Variants in CERS6 observed in about 807,000 individuals in gnomAD.
The protein encoded by CERS6 is ceramide synthase 6.
CERS6 carries 26 observed loss-of-function variants against 56.8 expected under a neutral mutation model. The observed-to-expected ratio is 0.46, with a 90% CI of 0.34 to 0.63. The LOEUF (loss-of-function observed/expected upper bound fraction) is 0.63. CERS6 is among the 30% of genes least tolerant of loss of function. CERS6 has a pLI of 0.01. For missense variants in CERS6, 415 were observed against 467.5 expected, an observed-to-expected ratio of 0.89 and a Z score of 1.04; for synonymous variants, 164 against 173.3, an observed-to-expected ratio of 0.95 and a Z score of 0.42.
intron 3 of CERS6, among the ~76,000 whole-genome samples, chr2:168,616,650 T>C (rs537320207): frequency 2.0e-5 from 3 of 152,296 alleles, no homozygotes; most frequent in African/African-American, 7.2e-5. Context: ...AGGAACATTA[T>C]ATAATGATAA....
At chr2:168,538,151 G>T (rs1272148556) in intron 1 of CERS6, among the ~76,000 whole-genome samples, 1 of 151,566 alleles carries the variant, frequency 6.6e-6, no homozygotes, top group Non-Finnish European at 1.5e-5. Context: ...CTCAACAGAG[G>T]AGCTAGTGAT....
intron 3 of CERS6, among the ~76,000 whole-genome samples, chr2:168,621,866 G>C (rs1453160434): frequency 6.6e-6 from 1 of 152,152 alleles, no homozygotes; most frequent in Non-Finnish European, 1.5e-5. Flanking sequence ...ACAATGACAG[G>C]AAAACAGGAA....
intron 6 of CERS6, among the ~76,000 whole-genome samples, chr2:168,700,258 G>A (rs548273061): frequency 2.0e-5 from 3 of 152,332 alleles, no homozygotes. Context: ...ATGCCTTTGG[G>A]GGCCGTGTCA....
In CERS6 at chr2:168,492,507, G is replaced by T. The variant is rs182887273; in HGVS notation, c.170+35889G>T. Among the ~76,000 whole-genome samples the T allele has an allele frequency of 1.6e-3, 246 of 152,240 alleles. 1 individual carries two copies. Among genetic ancestry groups the T allele is most frequent in the African/African-American group, 5.7e-3 (235 of 41,548 alleles). ...TTGTGTAAGTTTTTTGTAGATTCTGGATATTAGCCCTTTGTCAGCTGGATA... is the reference window on the plus strand; with the variant it reads ...TTGTGTAAGTTTTTTGTAGATTCTGTATATTAGCCCTTTGTCAGCTGGATA... On this transcript the variant is annotated intron_variant, in intron 1 of 9. Coordinates refer to ENST00000305747, the MANE Select transcript of CERS6 (RefSeq NM_203463.3).
intron 8 of CERS6, among the ~76,000 whole-genome samples, chr2:168,736,010 A>G (rs1360678819): frequency 6.6e-6 from 1 of 152,098 alleles, no homozygotes; most frequent in East Asian, 1.9e-4. Context: ...GTTTAAGACT[A>G]GCCTGGGTAA....
intron 1 of CERS6, among the ~76,000 whole-genome samples, chr2:168,471,709 G>A (rs910509630): frequency 6.6e-6 from 1 of 152,038 alleles, no homozygotes; most frequent in Non-Finnish European, 1.5e-5. Flanking sequence ...TTTATTCAGG[G>A]GTCAAATATA....
chr2:168,579,274 G>A (rs915775508), intron 3 of CERS6, among the ~76,000 whole-genome samples: 2 of 152,232 alleles, frequency 1.3e-5, no homozygotes, highest in East Asian at 3.9e-4. Context: ...CGTGGAGTTG[G>A]GGGGGCACTG....
At chr2:168,487,782 T>C (rs1277518317) in intron 1 of CERS6, among the ~76,000 whole-genome samples, 1 of 152,224 alleles carries the variant, frequency 6.6e-6, no homozygotes, top group African/African-American at 2.4e-5. Flanking sequence ...AGCACAATCA[T>C]AGCTCAGCCA....
At chr2:168,496,491 G>T (rs975782513) in intron 1 of CERS6, among the ~76,000 whole-genome samples, 2 of 152,222 alleles carry the variant, frequency 1.3e-5, no homozygotes, top group South Asian at 4.2e-4. Flanking sequence ...CATGAGAGGG[G>T]ATTCTTGTCT....
At chr2:168,734,777 A>G (rs1683662769) in intron 8 of CERS6, among the ~76,000 whole-genome samples, 2 of 152,350 alleles carry the variant, frequency 1.3e-5, no homozygotes, top group South Asian at 4.1e-4. Context: ...TTAGTGCTCT[A>G]TCTATATGCA....
rs773497811 is a variant in CERS6 at position 168,752,313 on chromosome 2, GTGTGTA to G, written c.846-13277_846-13272del. Among the ~76,000 whole-genome samples, 566 of 146,912 alleles carry G rather than the reference GTGTGTA, an allele frequency of 3.9e-3. 1 individual carries two copies. The highest frequency in any genetic ancestry group is 5.6e-3 in the Admixed American group (84 of 14,870). ...TGTGTGTGTGTGTGTGTGTGTGTGT[GTGTGTA>G]TAGAGAGAGAGAGAGAGAGGCTAAG... is the stretch of plus-strand genomic sequence containing the variant. On this transcript the variant is annotated intron_variant, in intron 8 of 9. Transcript: ENST00000305747.
chr2:168,629,604 G>C (rs1684665727), intron 3 of CERS6, among the ~76,000 whole-genome samples: 1 of 152,134 alleles, frequency 6.6e-6, no homozygotes, highest in South Asian at 2.1e-4. Flanking sequence ...TGGGTCCCTT[G>C]TTCAACAACT....
intron 4 of CERS6, among the ~76,000 whole-genome samples, chr2:168,655,204 G>C (rs1018220453): frequency 6.6e-6 from 1 of 151,990 alleles, no homozygotes; most frequent in Non-Finnish European, 1.5e-5. Flanking sequence ...CACCTCTTAC[G>C]ATGGCTTTTA....
Position 168,631,042 on chromosome 2 carries a change from G to A in CERS6, c.465G>A (p.Lys155=). Residue 155 remains lysine (K), a splice_region_variant and synonymous_variant, in exon 4 of 10, where the codon AAG becomes AAA. Coordinates refer to ENST00000305747, the MANE Select transcript of CERS6 (RefSeq NM_203463.3). ...CCTACGGAGTCAGATTCCTGAAAAA[G>A]GTAGGATCTCTCAAACTATTTTACA... ...VFTYGVRFLK[K]TPWLWNTRHC... 2 of 1,478,032 alleles carry A rather than the reference G, an allele frequency of 1.4e-6. No individual in the cohort carries two copies. The highest frequency in any genetic ancestry group is 1.9e-6 in the Non-Finnish European group (2 of 1,077,844). The allele number at this position is 1,478,032 out of a possible 1,614,324, so 91.6% of individuals were successfully genotyped here.
intron 4 of CERS6, among the ~76,000 whole-genome samples, chr2:168,655,694 A>G (rs748001424): frequency 6.6e-6 from 1 of 152,242 alleles, no homozygotes; most frequent in Non-Finnish European, 1.5e-5. Flanking sequence ...CAGAGAATAA[A>G]ACAGCAGCGG....
intron 4 of CERS6, among the ~76,000 whole-genome samples, chr2:168,657,513 GGCCA>G (rs1559039324): frequency 2.0e-5 from 3 of 152,226 alleles, no homozygotes; most frequent in Non-Finnish European, 4.4e-5. Context: ...GGGAGGCTCG[GGCCA>G]CACAGGAGCC....
chr2:168,484,838 C>T (rs1488884996), intron 1 of CERS6, among the ~76,000 whole-genome samples: 1 of 152,070 alleles, frequency 6.6e-6, no homozygotes, highest in Non-Finnish European at 1.5e-5. Flanking sequence ...GCCCTGGGTC[C>T]AGCTTTAAGG....
At chr2:168,569,761 T>C (rs143115930) in intron 3 of CERS6, among the ~76,000 whole-genome samples, 353 of 152,290 alleles carry the variant, frequency 2.3e-3, no homozygotes, top group African/African-American at 8.0e-3. Context: ...GGAGTCTGCA[T>C]TGGAGTCTTC....
intron 4 of CERS6, among the ~76,000 whole-genome samples, chr2:168,640,962 G>A (rs1452412951): frequency 6.6e-6 from 1 of 152,106 alleles, no homozygotes; most frequent in Non-Finnish European, 1.5e-5. Context: ...TATACCCAGA[G>A]TGGTGACTGA....
Sources: allele counts gnomAD v4.1 joint callset (sites outside exome capture counted in the v4.1 genomes callset), GRCh38; gene constraint gnomAD v4.1.1; transcripts MANE v1.5; gene names NCBI Gene and HGNC (gene_info 2026-07-23, HGNC 2026-07-21).